Variants in ACCSL observed in about 807,000 individuals in gnomAD.
The protein encoded by ACCSL is probable inactive 1-aminocyclopropane-1-carboxylate synthase-like protein 2.
Under a neutral mutation model 61.7 loss-of-function variants are expected in ACCSL, and 55 were observed. The ratio of observed to expected loss-of-function variants is 0.89; its 90% CI spans 0.72 to 1.12. The LOEUF (loss-of-function observed/expected upper bound fraction) is 1.12, where lower values mean the gene tolerates loss of function less well. Among genes scored for constraint, ACCSL ranks in the 50% most tolerant of loss-of-function variants. ACCSL has a pLI of 0.00. For missense variants in ACCSL, 632 were observed against 698.0 expected (o/e 0.91, Z 1.07); for synonymous variants, 258 against 264.3 (o/e 0.98, Z 0.23).
At chr11:43,954,433 G>A in the ACCSL span, among the ~76,000 whole-genome samples, 38 of 151,998 alleles carry the variant, frequency 2.5e-4, no homozygotes, top group Admixed American at 2.4e-3. Context: ...TTGAGGAGGC[G>A]GTGTCTGATT....
the ACCSL span, among the ~76,000 whole-genome samples, chr11:44,002,181 GC>G: frequency 6.6e-6 from 1 of 151,950 alleles, no homozygotes; most frequent in Non-Finnish European, 1.5e-5. Context: ...GTGTTACGTG[GC>G]CCCAGACCAC....
At chr11:44,028,515 T>A in the ACCSL span, among the ~76,000 whole-genome samples, 3 of 152,368 alleles carry the variant, frequency 2.0e-5, no homozygotes, top group South Asian at 6.2e-4. Context: ...TAGTAGCTGC[T>A]GTGTTGGGAC....
the ACCSL span, among the ~76,000 whole-genome samples, chr11:43,952,643 C>T: frequency 9.2e-5 from 14 of 152,180 alleles, no homozygotes; most frequent in African/African-American, 2.9e-4. Flanking sequence ...GACCCTCTCA[C>T]GCGGACCCTC....
At chr11:43,987,491 G>C in the ACCSL span, among the ~76,000 whole-genome samples, 1 of 152,220 alleles carries the variant, frequency 6.6e-6, no homozygotes, top group African/African-American at 2.4e-5. Context: ...GCTGCTTCTA[G>C]CAAGAAGTTG....
chr11:43,934,224 A>T, the ACCSL span, among the ~76,000 whole-genome samples: 1 of 152,174 alleles, frequency 6.6e-6, no homozygotes, highest in Non-Finnish European at 1.5e-5. Context: ...AAACACTTTT[A>T]TGCTCCCAGT....
At chr11:43,942,493 C>G in the ACCSL span, 1 of 222,434 alleles carries the variant, frequency 4.5e-6, no homozygotes, top group Non-Finnish European at 9.3e-6. Flanking sequence ...GGGAAGGGGC[C>G]GTTACTTTCC....
the ACCSL span, among the ~76,000 whole-genome samples, chr11:43,935,130 G>A: frequency 3.3e-5 from 5 of 152,192 alleles, no homozygotes; most frequent in Admixed American, 6.5e-5. Context: ...GAGGATTCTA[G>A]GATGTTAGAG....
chr11:43,970,890 G>T, the ACCSL span, among the ~76,000 whole-genome samples: 3 of 152,088 alleles, frequency 2.0e-5, no homozygotes, highest in African/African-American at 7.2e-5. Context: ...TGTTTGTTTT[G>T]CTCACTGCCA....
chr11:44,054,005 A>G (rs1026853638), intron 8 of ACCSL, among the ~76,000 whole-genome samples: 1 of 152,226 alleles, frequency 6.6e-6, no homozygotes, highest in African/African-American at 2.4e-5. Flanking sequence ...GCCTCAGCCT[A>G]TGTATTGACA....
At chr11:44,052,641 T>G in intron 5 of ACCSL, 21 bp from the exon 6 acceptor site, 2 of 1,603,422 alleles carry the variant, frequency 1.2e-6, no homozygotes, top group Non-Finnish European at 8.5e-7. Context: ...GACTGATAGC[T>G]CTGTCTCTCT....
In ACCSL at chr11:44,055,271, C is replaced by T. The variant is rs1483706782; in HGVS notation, c.1119C>T (p.His373=). Residue 373 remains histidine, a synonymous_variant, in exon 9 of 14, where the codon CAC becomes CAT. Coordinates refer to ENST00000378832, the MANE Select transcript of ACCSL (RefSeq NM_001031854.2). The part of the protein sequence containing the change: ...LSVFDESITF[H]SILSMKSLPD... ...TGTTTGATGAATCCATCACATTCCA[C>T]AGCATTCTGAGCATGAAAAGGTGAG... 3 of 1,612,694 alleles carry T rather than the reference C, an allele frequency of 1.9e-6. No individual in the cohort carries two copies. Among genetic ancestry groups the T allele is most frequent in the African/African-American group, 2.7e-5 (2 of 74,924 alleles).
chr11:43,979,769 C>T, the ACCSL span, among the ~76,000 whole-genome samples: 17 of 151,238 alleles, frequency 1.1e-4, no homozygotes, highest in Admixed American at 2.0e-4. Flanking sequence ...ATCGCTTGAA[C>T]CCAGGAGGCG....
At chr11:44,058,517 G>C in intron 12 of ACCSL, 29 bp from the exon 13 acceptor site, 3 of 1,613,922 alleles carry the variant, frequency 1.9e-6, no homozygotes, top group Non-Finnish European at 2.5e-6. Flanking sequence ...TGGGTCTTGG[G>C]CTCAGTTCTG....
the ACCSL span, among the ~76,000 whole-genome samples, chr11:44,006,818 T>C: frequency 6.6e-6 from 1 of 152,104 alleles, no homozygotes; most frequent in East Asian, 1.9e-4. Flanking sequence ...TTTAAGATCT[T>C]AAAGGGACAA....
the ACCSL span, among the ~76,000 whole-genome samples, chr11:44,021,027 G>A: frequency 6.6e-6 from 1 of 152,114 alleles, no homozygotes; most frequent in East Asian, 1.9e-4. Flanking sequence ...TTATCTAGTT[G>A]TTGGTTGATG....
the ACCSL span, among the ~76,000 whole-genome samples, chr11:43,949,253 A>G: frequency 2.6e-5 from 4 of 152,170 alleles, no homozygotes; most frequent in Non-Finnish European, 4.4e-5. Context: ...TTCTTGGCAC[A>G]GGGGAGGGTG....
chr11:43,977,746 C>T, the ACCSL span, among the ~76,000 whole-genome samples: 3 of 152,188 alleles, frequency 2.0e-5, no homozygotes, highest in African/African-American at 4.8e-5. Flanking sequence ...TGGAGACATC[C>T]CTCCCTCTGA....
the ACCSL span, chr11:43,944,646 GT>G: frequency 6.6e-6 from 1 of 152,354 alleles, no homozygotes; most frequent in Non-Finnish European, 1.5e-5. Flanking sequence ...AGCGCCCCCA[GT>G]TCTCCGCACT....
At chr11:43,922,024 C>CAAAACA in the ACCSL span, among the ~76,000 whole-genome samples, 11 of 152,140 alleles carry the variant, frequency 7.2e-5, no homozygotes, top group African/African-American at 2.4e-4. Context: ...TTTGCTGGTG[C>CAAAACA]TAGATCTGAA....
Sources: allele counts gnomAD v4.1 joint callset (sites outside exome capture counted in the v4.1 genomes callset), GRCh38; gene constraint gnomAD v4.1.1; transcripts MANE v1.5; gene names NCBI Gene and HGNC (gene_info 2026-07-23, HGNC 2026-07-21).